PAPSS2: variants seen among roughly 807,000 people sequenced by gnomAD.
PAPSS2 encodes the protein 3'-phosphoadenosine 5'-phosphosulfate synthase 2.
PAPSS2 carries 61 observed loss-of-function variants against 66.5 expected under a neutral mutation model. The observed-to-expected ratio is 0.92, with a 90% confidence interval of 0.75 to 1.14. The LOEUF is 1.14. Ranked by LOEUF, PAPSS2 falls within the 50% of genes most tolerant of loss-of-function variation. PAPSS2 has a pLI of 0.00. For synonymous variants in PAPSS2, 289 were observed against 287.5 expected (o/e 1.01, Z -0.05); for missense variants, 708 against 789.6 (o/e 0.90, Z 1.24).
intron 8 of PAPSS2, 133 bp from the exon 9 acceptor site, chr10:87,727,151 C>A (rs1294497817): frequency 1.3e-6 from 1 of 767,692 alleles, no homozygotes; most frequent in East Asian, 2.6e-5. Flanking sequence ...GCAGCTAACA[C>A]AACTACTTGG....
At chr10:87,661,557 A>G (rs1406048039) in intron 1 of PAPSS2, among the ~76,000 whole-genome samples, 3 of 152,140 alleles carry the variant, frequency 2.0e-5, no homozygotes, top group South Asian at 2.1e-4. Context: ...ATTCCTTCTC[A>G]GTTGTGATGG....
chr10:87,745,279 A>T, intron 12 of PAPSS2, 48 bp downstream of exon 12: 1 of 1,448,642 alleles, frequency 6.9e-7, no homozygotes, highest in Non-Finnish European at 9.5e-7. Context: ...TATAAAAGAA[A>T]TGATGAGGCA....
chr10:87,737,971 T>C (rs1853820948), intron 9 of PAPSS2, among the ~76,000 whole-genome samples: 1 of 152,234 alleles, frequency 6.6e-6, no homozygotes, highest in Non-Finnish European at 1.5e-5. Context: ...AATCATGTAA[T>C]ATTTGCTTTT....
intron 2 of PAPSS2, among the ~76,000 whole-genome samples, chr10:87,711,772 C>T (rs889074184): frequency 1.3e-5 from 2 of 152,118 alleles, no homozygotes; most frequent in African/African-American, 4.8e-5. Flanking sequence ...CTTCCTCTGT[C>T]TGTCCTTCAT....
chr10:87,695,624 A>G (rs908133995), intron 1 of PAPSS2, among the ~76,000 whole-genome samples: 1 of 152,196 alleles, frequency 6.6e-6, no homozygotes, highest in African/African-American at 2.4e-5. Context: ...AGGAACCAAG[A>G]CATGAAGGGT....
chr10:87,695,229 C>A lies in PAPSS2; in HGVS notation c.28-13967C>A, dbSNP rs1853217636. ...TTCAGTGTCTGGTGAGGGCTGCCTT[C>A]TTGCTATAAGCTCACATGGAGGAAA... On this transcript the variant is annotated intron_variant, in intron 1 of 12. Coordinates refer to ENST00000456849, the MANE Select transcript of PAPSS2 (RefSeq NM_001015880.2). Among the ~76,000 whole-genome samples, 3 of 152,088 alleles carry A rather than the reference C, an allele frequency of 2.0e-5. No individual in the cohort carries two copies. In the South Asian group the frequency reaches 6.3e-4, roughly 32 times the overall value.
In PAPSS2 at chr10:87,721,441, A is replaced by G. The variant is rs77428621; in HGVS notation, c.866-315A>G. Among the ~76,000 whole-genome samples the G allele has an allele frequency of 0.013, 1,953 of 152,330 alleles. 26 individuals are homozygous for G. The highest frequency in any genetic ancestry group is 0.027 in the Middle Eastern group (8 of 294). Reference sequence around the variant, plus strand: ...GTGAAGCTGGAGGGGACATTAACATATGTTATAATTATTTTAAAACAGATA... The same window carrying G: ...GTGAAGCTGGAGGGGACATTAACATGTGTTATAATTATTTTAAAACAGATA... On this transcript the variant is annotated intron_variant, in intron 7 of 12. Transcript: ENST00000456849.
chr10:87,677,531 A>G (rs1032169751), intron 1 of PAPSS2, among the ~76,000 whole-genome samples: 1 of 152,252 alleles, frequency 6.6e-6, no homozygotes, highest in African/African-American at 2.4e-5. Context: ...CTTGACATCT[A>G]GTAACCAGAG....
intron 8 of PAPSS2, among the ~76,000 whole-genome samples, 163 bp from the exon 9 acceptor site, chr10:87,727,121 T>C (rs779178659): frequency 6.6e-6 from 1 of 152,246 alleles, no homozygotes; most frequent in Non-Finnish European, 1.5e-5. Context: ...CTTGTCATTA[T>C]AGAATCTAGA....
At chr10:87,726,763 A>G (rs566258074) in intron 8 of PAPSS2, among the ~76,000 whole-genome samples, 91 of 152,346 alleles carry the variant, frequency 6.0e-4, no homozygotes, top group African/African-American at 2.1e-3. Flanking sequence ...CCATAGATTC[A>G]TATCAATTAT....
chr10:87,708,380 T>C (rs888397144), intron 1 of PAPSS2, among the ~76,000 whole-genome samples: 3 of 152,226 alleles, frequency 2.0e-5, no homozygotes, highest in Non-Finnish European at 4.4e-5. Context: ...AGTAGCCCTG[T>C]GTGTTCAGGG....
intron 9 of PAPSS2, 26 bp downstream of exon 9, chr10:87,727,515 C>T: frequency 6.4e-7 from 1 of 1,557,604 alleles, no homozygotes; most frequent in Non-Finnish European, 8.8e-7. Context: ...TTTGGAAGGA[C>T]TTTCTTGAGC....
intron 1 of PAPSS2, among the ~76,000 whole-genome samples, chr10:87,673,257 T>C (rs1589419281): frequency 2.0e-5 from 3 of 152,366 alleles, no homozygotes; most frequent in Middle Eastern, 6.8e-3. Context: ...CTAGTGTGTC[T>C]ACTGTAATGA....
intron 9 of PAPSS2, among the ~76,000 whole-genome samples, chr10:87,739,966 G>T (rs1201766913): frequency 6.6e-6 from 1 of 152,112 alleles, no homozygotes; most frequent in African/African-American, 2.4e-5. Flanking sequence ...AATGTACAAT[G>T]GTTGTCTTAA....
chr10:87,678,061 C>T (rs1452966151), intron 1 of PAPSS2, among the ~76,000 whole-genome samples: 1 of 152,056 alleles, frequency 6.6e-6, no homozygotes, highest in East Asian at 1.9e-4. Context: ...ATGGGGAAGA[C>T]CACTTCTAAG....
At chr10:87,707,564 C>CTTT (rs747152482) in intron 1 of PAPSS2, among the ~76,000 whole-genome samples, 46 of 93,972 alleles carry the variant, frequency 4.9e-4, no homozygotes, top group Non-Finnish European at 7.2e-4. Flanking sequence ...TCTTTTTTTT[C>CTTT]TTTTTTTTTT....
At position 87,746,650 on chromosome 10, in the gene PAPSS2, G is replaced by T. The variant is rs995513396; in HGVS notation, c.*680G>T. Reference sequence around the variant, plus strand: ...AGTCTTAATGGCCTCTGTGAATAATGTAACTCCAGTTACACGGTGACTTTT... The same window carrying T: ...AGTCTTAATGGCCTCTGTGAATAATTTAACTCCAGTTACACGGTGACTTTT... On this transcript the variant is annotated 3_prime_UTR_variant, in exon 13 of 13. Transcript: ENST00000456849. The T allele has an allele frequency of 3.9e-5, 6 of 152,192 alleles. No homozygotes were observed. Among genetic ancestry groups the T allele is most frequent in the African/African-American group, 1.4e-4 (6 of 41,438 alleles). The allele number at this position is 152,192 out of a possible 1,614,324, so 9.4% of individuals were successfully genotyped here.
chr10:87,701,350 TTC>T, intron 1 of PAPSS2, among the ~76,000 whole-genome samples: 1 of 108,198 alleles, frequency 9.2e-6, no homozygotes, highest in African/African-American at 4.2e-5. Context: ...CTTTCTTTCT[TTC>T]TTTCTTTCTT....
chr10:87,689,888 C>T (rs1242547438), intron 1 of PAPSS2, among the ~76,000 whole-genome samples: 1 of 152,064 alleles, frequency 6.6e-6, no homozygotes, highest in East Asian at 1.9e-4. Flanking sequence ...AAACTAAAAT[C>T]ACATTGAAAT....
Sources: gnomAD v4.1 joint callset for allele counts (sites outside exome capture counted in the v4.1 genomes callset) on GRCh38, gnomAD v4.1.1 for gene constraint, MANE v1.5 for transcripts, NCBI Gene and HGNC (gene_info 2026-07-23, HGNC 2026-07-21) for gene names.